Variants in FLI1 observed in about 807,000 individuals in gnomAD.
FLI1 encodes the protein Fli-1 proto-oncogene, ETS transcription factor.
FLI1 carries 13 observed loss-of-function variants against 53.1 expected under a neutral mutation model. The observed-to-expected ratio is 0.24, with a 90% confidence interval of 0.16 to 0.39. The LOEUF (loss-of-function observed/expected upper bound fraction) is 0.39, where lower values mean the gene tolerates loss of function less well. FLI1 is among the 10% of genes least tolerant of loss of function. The pLI, the probability that FLI1 is intolerant of heterozygous loss-of-function variation, is 1.00. For synonymous variants in FLI1, 244 were observed against 236.7 expected (o/e 1.03, Z -0.28); for missense variants, 424 against 600.5 (o/e 0.71, Z 3.07).
chr11:128,751,817 T>A (rs1190943837), intron 1 of FLI1, among the ~76,000 whole-genome samples: 2 of 150,680 alleles, frequency 1.3e-5, no homozygotes, highest in Non-Finnish European at 2.9e-5. Flanking sequence ...CGTGGGTTTT[T>A]TTTTTTGGGT....
intron 1 of FLI1, among the ~76,000 whole-genome samples, chr11:128,703,717 C>G (rs372756498): frequency 2.4e-4 from 37 of 151,946 alleles, no homozygotes; most frequent in African/African-American, 8.0e-4. Flanking sequence ...GTGGTGCATG[C>G]CTGTAGTCCC....
rs555804278 is a variant in FLI1, at chr11:128,800,307, A to G, written c.656-5059A>G. Among the ~76,000 whole-genome samples, 10 of 152,310 alleles carry G rather than the reference A, an allele frequency of 6.6e-5. No individual in the cohort carries two copies. The East Asian group carries it at 1.9e-3, about 29-fold the overall frequency. On this transcript the variant is annotated intron_variant, in intron 5 of 8. Transcript: ENST00000527786. ...AACCAGAAATTCAATGAGAAGTTTC[A>G]GGGAAAATTCATCTTTTTCCACCCA... is the stretch of plus-strand genomic sequence containing the variant.
intron 1 of FLI1, among the ~76,000 whole-genome samples, chr11:128,756,947 A>G (rs1450701399): frequency 6.6e-6 from 1 of 152,132 alleles, no homozygotes; most frequent in Non-Finnish European, 1.5e-5. Context: ...CAATGGCACG[A>G]TCACGGCTCA....
chr11:128,721,175 C>T (rs1290168872), intron 1 of FLI1, among the ~76,000 whole-genome samples: 1 of 152,182 alleles, frequency 6.6e-6, no homozygotes, highest in African/African-American at 2.4e-5. Context: ...CTGTAGGATG[C>T]ACCACAGACA....
At chr11:128,771,166 C>T (rs529155536) in intron 3 of FLI1, among the ~76,000 whole-genome samples, 2 of 152,320 alleles carry the variant, frequency 1.3e-5, no homozygotes, top group Middle Eastern at 3.4e-3. Context: ...AAATAGGGCT[C>T]GCGGAGCAGG....
intron 5 of FLI1, among the ~76,000 whole-genome samples, chr11:128,794,775 G>A (rs1377434019): frequency 6.6e-6 from 1 of 152,184 alleles, no homozygotes; most frequent in African/African-American, 2.4e-5. Flanking sequence ...GGATCTGTAA[G>A]ATCGAGAAGT....
chr11:128,708,048 C>G (rs925599268), intron 1 of FLI1, among the ~76,000 whole-genome samples: 1 of 152,158 alleles, frequency 6.6e-6, no homozygotes, highest in Non-Finnish European at 1.5e-5. Context: ...GTGCACAGTA[C>G]AAGCACACTT....
intron 1 of FLI1, among the ~76,000 whole-genome samples, chr11:128,711,573 T>C (rs1938785725): frequency 6.6e-6 from 1 of 152,260 alleles, no homozygotes; most frequent in South Asian, 2.1e-4. Flanking sequence ...ATCGAATGTT[T>C]ATTGGGCTTA....
intron 1 of FLI1, among the ~76,000 whole-genome samples, chr11:128,740,079 C>A (rs1195237871): frequency 1.3e-5 from 2 of 152,200 alleles, no homozygotes; most frequent in African/African-American, 2.4e-5. Context: ...TTCCACCCCA[C>A]ATCTCTGCCC....
At chr11:128,731,957 C>T (rs374413160) in intron 1 of FLI1, among the ~76,000 whole-genome samples, 2 of 150,940 alleles carry the variant, frequency 1.3e-5, no homozygotes, top group Admixed American at 1.3e-4. Flanking sequence ...GAGCCGAGAT[C>T]GTGCCACTGT....
intron 5 of FLI1, among the ~76,000 whole-genome samples, chr11:128,793,157 A>T (rs1426621971): frequency 6.6e-6 from 1 of 152,024 alleles, no homozygotes; most frequent in Non-Finnish European, 1.5e-5. Context: ...GGATAAATTC[A>T]ATAAATTTAA....
intron 2 of FLI1, among the ~76,000 whole-genome samples, chr11:128,759,682 T>C (rs1319184594): frequency 6.6e-6 from 1 of 152,182 alleles, no homozygotes; most frequent in African/African-American, 2.4e-5. Flanking sequence ...CGCAGAAAGG[T>C]GGCACAGGAA....
upstream of FLI1, among the ~76,000 whole-genome samples, chr11:128,689,890 C>T (rs1240038168): frequency 2.6e-5 from 4 of 152,132 alleles, no homozygotes; most frequent in Admixed American, 2.6e-4. Flanking sequence ...CGGCCTCCCA[C>T]GTAGCGTTCT....
chr11:128,777,194 G>C (rs1040173503), intron 4 of FLI1, among the ~76,000 whole-genome samples: 7 of 152,302 alleles, frequency 4.6e-5, no homozygotes, highest in African/African-American at 7.2e-5. Flanking sequence ...CGCCGGGCTG[G>C]CAGTTCAGGC....
intron 1 of FLI1, among the ~76,000 whole-genome samples, chr11:128,699,142 A>G (rs1248458740): frequency 9.2e-5 from 14 of 152,354 alleles, no homozygotes; most frequent in Admixed American, 7.8e-4. Context: ...AGACTGTGTC[A>G]TAAGTAGGTC....
At chr11:128,735,022 C>A (rs1939860803) in intron 1 of FLI1, among the ~76,000 whole-genome samples, 1 of 152,188 alleles carries the variant, frequency 6.6e-6, no homozygotes, top group Non-Finnish European at 1.5e-5. Context: ...TCACACTCTT[C>A]CCCTTCCCGC....
At chr11:128,790,676 CAGGA>C (rs1413443882) in intron 5 of FLI1, among the ~76,000 whole-genome samples, 6 of 152,120 alleles carry the variant, frequency 3.9e-5, no homozygotes, top group Non-Finnish European at 8.8e-5. Flanking sequence ...AAATTTGTTC[CAGGA>C]TAATAAGGCA....
chr11:128,722,341 G>A (rs571723875), intron 1 of FLI1, among the ~76,000 whole-genome samples: 2 of 152,320 alleles, frequency 1.3e-5, no homozygotes, highest in East Asian at 1.9e-4. Context: ...GCTTCTCGGA[G>A]AAGGGAGAAG....
intron 7 of FLI1, among the ~76,000 whole-genome samples, 153 bp from the exon 8 acceptor site, chr11:128,809,004 G>A (rs1333713402): frequency 6.6e-6 from 1 of 152,154 alleles, no homozygotes; most frequent in Admixed American, 6.5e-5. Context: ...CAAGATCTTT[G>A]AGATCTGCAA....
Sources: gnomAD v4.1 joint callset for allele counts (sites outside exome capture counted in the v4.1 genomes callset) on GRCh38, gnomAD v4.1.1 for gene constraint, MANE v1.5 for transcripts, NCBI Gene and HGNC (gene_info 2026-07-23, HGNC 2026-07-21) for gene names.